The following ROBO2 variants were observed in gnomAD, a reference collection of about 807,000 sequenced individuals.
ROBO2 encodes roundabout homolog 2.
Under a neutral mutation model 160.8 loss-of-function variants are expected in ROBO2, and 53 were observed. That is an observed-to-expected ratio of 0.33 (90% CI 0.26 to 0.41). The LOEUF is 0.41. ROBO2 is among the 10% of genes least tolerant of loss of function. The pLI is 1.00. For missense variants in ROBO2, 1,577 were observed against 1,722.4 expected, an observed-to-expected ratio of 0.92 and a Z score of 1.49; for synonymous variants, 664 against 611.7, an observed-to-expected ratio of 1.09 and a Z score of -1.26.
intron 2 of ROBO2, among the ~76,000 whole-genome samples, chr3:76,151,275 T>C (rs2072187784): frequency 6.6e-6 from 1 of 152,080 alleles, no homozygotes; most frequent in African/African-American, 2.4e-5. Flanking sequence ...GAAATCTTTA[T>C]CTCTCTCTCT....
intron 2 of ROBO2, among the ~76,000 whole-genome samples, chr3:76,659,085 C>T (rs1055650658): frequency 1.3e-5 from 2 of 152,006 alleles, no homozygotes; most frequent in Non-Finnish European, 2.9e-5. Flanking sequence ...GATGTTTCAG[C>T]TCCCTTAGAA....
intron 2 of ROBO2, among the ~76,000 whole-genome samples, chr3:76,213,460 G>T (rs1402162169): frequency 6.6e-6 from 1 of 152,064 alleles, no homozygotes; most frequent in African/African-American, 2.4e-5. Flanking sequence ...TGATCCTTAT[G>T]TTGTGAAAAG....
In ROBO2 at chr3:77,142,903, A is replaced by G. The variant is rs75491113; in HGVS notation, c.388+44563A>G. On this transcript the variant is annotated intron_variant, in intron 2 of 25. Transcript: ENST00000461745. ...TAGCCCTGTTTTTACAAGTGAAAAG[A>G]GAAGTGTGTTTCCCTGCCCCTTCCT... 2.1e-3 allele frequency among the ~76,000 whole-genome samples: 321 copies of G among 152,284 alleles called. 2 individuals carry two copies. Among genetic ancestry groups the G allele is most frequent in the African/African-American group, 7.2e-3 (301 of 41,560 alleles).
At chr3:77,417,853 C>A (rs1452956851) in intron 2 of ROBO2, among the ~76,000 whole-genome samples, 1 of 151,846 alleles carries the variant, frequency 6.6e-6, no homozygotes, top group Non-Finnish European at 1.5e-5. Flanking sequence ...GAAAGTTAAA[C>A]CTAAATTTAA....
intron 2 of ROBO2, among the ~76,000 whole-genome samples, chr3:76,642,789 G>A (rs1448651757): frequency 6.6e-6 from 1 of 152,062 alleles, no homozygotes. Flanking sequence ...TGCAGCAATT[G>A]TCCACCAAAT....
chr3:77,437,787 T>C (rs150075750), intron 2 of ROBO2, among the ~76,000 whole-genome samples: 73 of 152,036 alleles, frequency 4.8e-4, no homozygotes, highest in African/African-American at 1.6e-3. Context: ...AAAAGAAGCC[T>C]TCCATCAAAA....
chr3:76,195,506 T>G (rs1702219730), intron 2 of ROBO2, among the ~76,000 whole-genome samples: 1 of 152,202 alleles, frequency 6.6e-6, no homozygotes. Context: ...GCAGACTATT[T>G]AGTGGTGGTT....
intron 2 of ROBO2, among the ~76,000 whole-genome samples, chr3:77,227,736 A>G (rs1286113382): frequency 6.6e-6 from 1 of 152,222 alleles, no homozygotes; most frequent in Non-Finnish European, 1.5e-5. Flanking sequence ...GGGTGGACAA[A>G]GGAGAGGAAA....
At chr3:76,412,340 C>A (rs1177600864) in intron 2 of ROBO2, among the ~76,000 whole-genome samples, 1 of 152,132 alleles carries the variant, frequency 6.6e-6, no homozygotes, top group East Asian at 1.9e-4. Context: ...TGCCCCTGGC[C>A]CCTCCAAATC....
chr3:77,173,407 T>C (rs1397409980), intron 2 of ROBO2, among the ~76,000 whole-genome samples: 4 of 152,136 alleles, frequency 2.6e-5, no homozygotes, highest in African/African-American at 9.7e-5. Context: ...AGTATATTGT[T>C]TTAAAAGCAA....
intron 5 of ROBO2, among the ~76,000 whole-genome samples, chr3:77,495,195 T>C (rs115315578): frequency 9.3e-4 from 142 of 152,352 alleles, no homozygotes; most frequent in Non-Finnish European, 1.6e-3. Flanking sequence ...TTTATCCTAG[T>C]GTAAACACAG....
intron 2 of ROBO2, among the ~76,000 whole-genome samples, chr3:77,011,046 C>CTTTTCT (rs200447148): frequency 9.2e-6 from 1 of 108,834 alleles, no homozygotes; most frequent in Non-Finnish European, 1.9e-5. Context: ...CTTTTCTTTT[C>CTTTTCT]TTTCTTTCTT....
chr3:77,493,357 G>T, exon 5 of ROBO2: 1 of 1,614,004 alleles, frequency 6.2e-7, no homozygotes, highest in Admixed American at 1.7e-5. Flanking sequence ...GTGGAAAAAG[G>T]ATGATGCAGA....
intron 2 of ROBO2, among the ~76,000 whole-genome samples, chr3:77,286,569 T>A (rs954278): frequency 0.32 from 48,278 of 151,910 alleles, 8,085 homozygotes; most frequent in Non-Finnish European, 0.37. Flanking sequence ...GGAGCAGTTT[T>A]TTAAAAGAAC....
intron 6 of ROBO2, among the ~76,000 whole-genome samples, chr3:77,523,624 T>C (rs1375186045): frequency 6.6e-6 from 1 of 151,380 alleles, no homozygotes; most frequent in East Asian, 1.9e-4. Flanking sequence ...GTCTTTTCAG[T>C]GGGACTTGTT....
intron 2 of ROBO2, among the ~76,000 whole-genome samples, chr3:76,789,263 T>C (rs533925417): frequency 1.3e-5 from 2 of 151,626 alleles, no homozygotes; most frequent in South Asian, 4.1e-4. Context: ...AAACTACTCT[T>C]TTCTCTTTAA....
At chr3:77,108,018 A>G (rs1325988908) in intron 2 of ROBO2, among the ~76,000 whole-genome samples, 2 of 151,546 alleles carry the variant, frequency 1.3e-5, no homozygotes, top group East Asian at 3.9e-4. Flanking sequence ...ATATAAACAT[A>G]CATATATTTT....
chr3:76,600,467 C>T (rs969172847), intron 2 of ROBO2, among the ~76,000 whole-genome samples: 30 of 152,146 alleles, frequency 2.0e-4, no homozygotes, highest in Non-Finnish European at 3.7e-4. Context: ...TAATTTGACT[C>T]ATAGTTCCAC....
intron 2 of ROBO2, among the ~76,000 whole-genome samples, chr3:76,311,900 T>A (rs1256452528): frequency 6.6e-6 from 1 of 152,222 alleles, no homozygotes; most frequent in Non-Finnish European, 1.5e-5. Flanking sequence ...ATAAATTGCA[T>A]TAACTTTATT....
Sources: gnomAD v4.1 joint callset for allele counts (sites outside exome capture counted in the v4.1 genomes callset) on GRCh38, gnomAD v4.1.1 for gene constraint, MANE v1.5 for transcripts, NCBI Gene and HGNC (gene_info 2026-07-23, HGNC 2026-07-21) for gene names.